Variants in PCM1 observed in about 807,000 individuals in gnomAD.
PCM1 encodes the protein pericentriolar material 1, also known as pericentriolar material 1 protein.
PCM1 carries 157 observed loss-of-function variants against 241.9 expected under a neutral mutation model. The ratio of observed to expected loss-of-function variants is 0.65; its 90% confidence interval spans 0.57 to 0.74. The LOEUF (loss-of-function observed/expected upper bound fraction) is 0.74, where lower values mean the gene tolerates loss of function less well. PCM1 is among the 30% of genes least tolerant of loss of function. The pLI is 0.00. For missense variants in PCM1, 3,478 were observed against 2,360.1 expected (o/e 1.47, Z -9.81); for synonymous variants, 1,085 against 784.9 (o/e 1.38, Z -6.39).
At position 18,028,368 on chromosome 8, in the gene PCM1, C is replaced by G. The variant is rs929976607; in HGVS notation, c.*706C>G. ...TCTGGAAAATATTTATCTACATCGCCTCAGACTAAAAGTAAAAAAAATAAG... is the reference window on the plus strand; with the variant it reads ...TCTGGAAAATATTTATCTACATCGCGTCAGACTAAAAGTAAAAAAAATAAG... On this transcript the variant is annotated 3_prime_UTR_variant, in exon 39 of 39. Coordinates refer to ENST00000325083, the MANE Select transcript of PCM1 (RefSeq NM_006197.4). The G allele has an allele frequency of 5.2e-6, 1 of 191,582 alleles. No individual in the cohort carries two copies. The allele number at this position is 191,582 out of a possible 1,614,324, so 11.9% of individuals were successfully genotyped here. A position where few individuals can be genotyped will look rare whatever the true frequency, so the allele number is the denominator to read the frequency against.
Position 18,011,844 on chromosome 8 carries a change from T to C in PCM1, c.5511+17T>C. 6.2e-7 allele frequency: 1 copy of C among 1,600,852 alleles called. No individual in the cohort carries two copies. Among genetic ancestry groups the C allele is most frequent in the Non-Finnish European group, 8.5e-7 (1 of 1,174,178 alleles). On this transcript the variant is annotated intron_variant, in intron 34 of 38. Coordinates refer to ENST00000325083, the MANE Select transcript of PCM1 (RefSeq NM_006197.4). ...GATGAACAGGTATTCCCGTATTGAC[T>C]GACACACTTCCATCAGCCTTATTTT...
chr8:17,986,805 A>G (rs2082754894), intron 26 of PCM1, among the ~76,000 whole-genome samples: 2 of 151,768 alleles, frequency 1.3e-5, no homozygotes, highest in African/African-American at 4.8e-5. Context: ...TCCTTTTTTT[A>G]TGACAACTCT....
chr8:18,006,444 A>G (rs185953413), intron 30 of PCM1, 47 bp downstream of exon 30: 4 of 1,425,634 alleles, frequency 2.8e-6, no homozygotes, highest in East Asian at 4.6e-5. Context: ...CTGTGTGGTA[A>G]GGTTTTTTTT....
intron 5 of PCM1, among the ~76,000 whole-genome samples, chr8:17,939,396 A>G (rs901601254): frequency 2.6e-5 from 3 of 113,870 alleles, no homozygotes; most frequent in Non-Finnish European, 3.9e-5. Flanking sequence ...GAAAATTTAT[A>G]TAAAAAATTG....
intron 1 of PCM1, among the ~76,000 whole-genome samples, chr8:17,923,528 C>T (rs549232516): frequency 3.0e-4 from 45 of 152,268 alleles, no homozygotes; most frequent in Non-Finnish European, 5.6e-4. Flanking sequence ...GCGGAGGAAG[C>T]GGAGCGGGGA....
rs113092421 is a variant in PCM1, at chr8:18,001,368, T to C, written c.4828-4895T>C. ...GAAACAATTTTTAGACATAAAATTT[T>C]TAGTTCAAAGGTCATAAACATTTTT... On this transcript the variant is annotated intron_variant, in intron 29 of 38. Transcript: ENST00000325083. Among the ~76,000 whole-genome samples the C allele has an allele frequency of 7.9e-3, 1,199 of 152,346 alleles. 11 individuals carry two copies. The highest frequency in any genetic ancestry group is 0.026 in the African/African-American group (1,082 of 41,584).
At chr8:17,941,529 T>TGC (rs1353650271) in intron 6 of PCM1, among the ~76,000 whole-genome samples, 1 of 110,524 alleles carries the variant, frequency 9.0e-6, no homozygotes, top group Non-Finnish European at 2.1e-5. Context: ...GATTTTTGTT[T>TGC]TTTTTTTTTT....
At chr8:17,935,757 G>A in intron 3 of PCM1, 51 bp downstream of exon 3, 3 of 888,216 alleles carry the variant, frequency 3.4e-6, no homozygotes, top group Non-Finnish European at 1.9e-6. Context: ...ATGTTAAAAT[G>A]CAGTTTTCCC....
rs551636066 is a variant in PCM1, at chr8:17,938,628, G to T, written c.343-112G>T. 3.9e-4 allele frequency: 275 copies of T among 707,236 alleles called. 3 individuals carry two copies. Among genetic ancestry groups the T allele is most frequent in the South Asian group, 2.7e-3 (149 of 55,438 alleles). The allele number at this position is 707,236 out of a possible 1,614,324, so 43.8% of individuals were successfully genotyped here. On this transcript the variant is annotated intron_variant, in intron 4 of 38. Coordinates refer to ENST00000325083, the MANE Select transcript of PCM1 (RefSeq NM_006197.4). ...TTCAGGTCTTAGTGCAAAGCTCTTT[G>T]TGTGCACCTTCTGAATCAATATCTG...
chr8:17,971,036 CA>C (rs2076676860), intron 22 of PCM1, among the ~76,000 whole-genome samples: 1 of 152,194 alleles, frequency 6.6e-6, no homozygotes, highest in African/African-American at 2.4e-5. Flanking sequence ...CAGTTTTGCA[CA>C]AGAGCAACCA....
chr8:18,006,780 G>C (rs1271717704), intron 30 of PCM1, among the ~76,000 whole-genome samples: 1 of 152,172 alleles, frequency 6.6e-6, no homozygotes, highest in Non-Finnish European at 1.5e-5. Context: ...AGACCAGCTG[G>C]TTGTAGAGAC....
intron 6 of PCM1, among the ~76,000 whole-genome samples, chr8:17,944,778 C>G (rs1193924540): frequency 6.6e-6 from 1 of 151,956 alleles, no homozygotes; most frequent in Non-Finnish European, 1.5e-5. Flanking sequence ...GAGCATCAGT[C>G]TGAAATGTTG....
At chr8:17,945,549 CTT>C (rs936622434) in intron 6 of PCM1, among the ~76,000 whole-genome samples, 1 of 152,154 alleles carries the variant, frequency 6.6e-6, no homozygotes, top group Non-Finnish European at 1.5e-5. Context: ...ATATTTAACT[CTT>C]TGCCATGTAC....
intron 36 of PCM1, among the ~76,000 whole-genome samples, chr8:18,015,509 A>AG (rs1258668467): frequency 6.6e-6 from 1 of 150,658 alleles, no homozygotes; most frequent in Non-Finnish European, 1.5e-5. Context: ...GGACTTTCTG[A>AG]GAAGGTACTT....
chr8:17,928,332 T>G (rs1011451237), intron 2 of PCM1, among the ~76,000 whole-genome samples: 2 of 152,164 alleles, frequency 1.3e-5, no homozygotes, highest in Non-Finnish European at 2.9e-5. Flanking sequence ...TTCCCTACTT[T>G]TCTACGCTCT....
intron 29 of PCM1, among the ~76,000 whole-genome samples, chr8:18,002,784 A>T (rs961202810): frequency 7.8e-6 from 1 of 128,462 alleles, no homozygotes; most frequent in African/African-American, 4.1e-5. Flanking sequence ...GTGTGAGATG[A>T]TATCTCATAG....
In PCM1 at chr8:18,028,541, A is replaced by G. The variant is rs1202323097; in HGVS notation, c.*879A>G. On this transcript the variant is annotated 3_prime_UTR_variant, in exon 39 of 39. Coordinates refer to ENST00000325083, the MANE Select transcript of PCM1 (RefSeq NM_006197.4). The stretch of plus-strand genomic sequence containing the variant: ...TGTATGCCTTCAGATAAACTTGCCT[A>G]TTGAGATGGTAATTTAAAGCCAAAG... The G allele has an allele frequency of 9.8e-6, 2 of 203,356 alleles. No homozygotes were observed. Among genetic ancestry groups the G allele is most frequent in the African/African-American group, 4.6e-5 (2 of 43,724 alleles). The allele number at this position is 203,356 out of a possible 1,614,324, so 12.6% of individuals were successfully genotyped here.
At position 17,973,221 on chromosome 8, in the gene PCM1, A is replaced by T. The variant is rs2237847; in HGVS notation, c.3943+534A>T. On this transcript the variant is annotated intron_variant, in intron 23 of 38. Transcript: ENST00000325083. The stretch of plus-strand genomic sequence containing the variant: ...TTAAAGTTGTTTAAAAAATTTTTTT[A>T]AAATTTTCTTTATGGTGTTAGTCAT... 8.7e-3 allele frequency among the ~76,000 whole-genome samples: 1,320 copies of T among 152,224 alleles called. 14 individuals are homozygous for T. The highest frequency in any genetic ancestry group is 0.024 in the African/African-American group (993 of 41,546).
intron 38 of PCM1, 53 bp from the exon 39 acceptor site, chr8:18,027,584 A>C: frequency 7.6e-7 from 1 of 1,307,614 alleles, no homozygotes; most frequent in Non-Finnish European, 1.1e-6. Flanking sequence ...AACAATGTTA[A>C]ATTCTAGTAA....
Sources: allele counts gnomAD v4.1 joint callset (sites outside exome capture counted in the v4.1 genomes callset), GRCh38; gene constraint gnomAD v4.1.1; transcripts MANE v1.5; gene names NCBI Gene and HGNC (gene_info 2026-07-23, HGNC 2026-07-21).